GPC6: variants seen among roughly 807,000 people sequenced by gnomAD.
The protein encoded by GPC6 is glypican-6.
A neutral mutation model predicts 55.2 loss-of-function variants in GPC6; 14 were observed. The ratio of observed to expected loss-of-function variants is 0.25; its 90% CI spans 0.17 to 0.40. The LOEUF is 0.40. Among genes scored for constraint, GPC6 ranks in the 10% least tolerant of loss-of-function variants. GPC6 has a pLI of 1.00. For missense variants in GPC6, 641 were observed against 708.5 expected (o/e 0.90, Z 1.08); for synonymous variants, 278 against 259.6 (o/e 1.07, Z -0.68).
chr13:93,489,324 G>T (rs199763302), intron 1 of GPC6, among the ~76,000 whole-genome samples: 1 of 151,300 alleles, frequency 6.6e-6, no homozygotes, highest in Non-Finnish European at 1.5e-5. Context: ...TGTTCCACTG[G>T]TCTATATCTC....
At chr13:93,296,053 C>T (rs761138109) in intron 1 of GPC6, among the ~76,000 whole-genome samples, 3 of 152,118 alleles carry the variant, frequency 2.0e-5, no homozygotes, top group Non-Finnish European at 4.4e-5. Context: ...CTGATTATGT[C>T]CCAAAGGTCC....
intron 4 of GPC6, among the ~76,000 whole-genome samples, chr13:94,050,936 T>C (rs1384175887): frequency 6.6e-6 from 1 of 152,138 alleles, no homozygotes; most frequent in Non-Finnish European, 1.5e-5. Flanking sequence ...ATGCATCCTA[T>C]TGGTCATGAG....
At chr13:94,034,200 A>G (rs28495263) in intron 4 of GPC6, among the ~76,000 whole-genome samples, 54 of 72,726 alleles carry the variant, frequency 7.4e-4, no homozygotes, top group African/African-American at 1.7e-3. Context: ...AAAGAAAGAA[A>G]GAAGGAAGGA....
intron 4 of GPC6, among the ~76,000 whole-genome samples, chr13:94,158,344 T>G (rs1359525063): frequency 6.7e-6 from 1 of 149,018 alleles, no homozygotes; most frequent in Non-Finnish European, 1.5e-5. Flanking sequence ...TTGAGTTGAA[T>G]AATTACCCTT....
chr13:93,225,486 GTTTTTTT>G (rs66859110), upstream of GPC6, among the ~76,000 whole-genome samples: 1,206 of 151,544 alleles, frequency 8.0e-3, 21 homozygotes, highest in African/African-American at 0.028. Context: ...TAGCTATGGA[GTTTTTTT>G]TTTTGTTTTG....
intron 2 of GPC6, among the ~76,000 whole-genome samples, chr13:93,818,091 T>C (rs1414591854): frequency 6.8e-6 from 1 of 147,896 alleles, no homozygotes; most frequent in Non-Finnish European, 1.5e-5. Flanking sequence ...ATTTATTATA[T>C]GTATATATTA....
chr13:93,862,090 G>A (rs17174714), intron 3 of GPC6, among the ~76,000 whole-genome samples: 35,114 of 151,444 alleles, frequency 0.23, 4,559 homozygotes, highest in East Asian at 0.34. Context: ...GATTATAGAA[G>A]TTTTTGTGCA....
intron 1 of GPC6, among the ~76,000 whole-genome samples, chr13:93,325,536 T>G (rs1332341624): frequency 6.6e-6 from 1 of 152,136 alleles, no homozygotes; most frequent in Non-Finnish European, 1.5e-5. Flanking sequence ...GTGGCCATTC[T>G]AAGGTGCTGC....
chr13:93,636,460 A>G (rs1366412378), intron 2 of GPC6, among the ~76,000 whole-genome samples: 1 of 152,198 alleles, frequency 6.6e-6, no homozygotes, highest in Admixed American at 6.5e-5. Flanking sequence ...ATGATCACAT[A>G]TCCCTGCCTG....
At chr13:93,365,266 T>C (rs1881202714) in intron 1 of GPC6, among the ~76,000 whole-genome samples, 1 of 152,074 alleles carries the variant, frequency 6.6e-6, no homozygotes, top group African/African-American at 2.4e-5. Flanking sequence ...TCAGCCTCTC[T>C]TCCTGGCAGT....
chr13:93,368,218 A>G (rs1019293285), intron 1 of GPC6, among the ~76,000 whole-genome samples: 1 of 151,492 alleles, frequency 6.6e-6, no homozygotes, highest in Admixed American at 6.6e-5. Flanking sequence ...AGTCTATTCT[A>G]TCTAATATTA....
At chr13:93,376,834 G>A (rs1214281179) in intron 1 of GPC6, among the ~76,000 whole-genome samples, 2 of 147,290 alleles carry the variant, frequency 1.4e-5, no homozygotes, top group Admixed American at 1.4e-4. Flanking sequence ...TGTCCTGGCT[G>A]TGACCAGTTT....
At chr13:94,322,168 C>G (rs1876862924) in intron 6 of GPC6, among the ~76,000 whole-genome samples, 1 of 152,180 alleles carries the variant, frequency 6.6e-6, no homozygotes, top group Admixed American at 6.5e-5. Context: ...GTGAGGAAGT[C>G]TCATGAGATC....
chr13:93,542,387 C>G (rs879140940), intron 1 of GPC6, among the ~76,000 whole-genome samples: 2 of 152,122 alleles, frequency 1.3e-5, no homozygotes, highest in Non-Finnish European at 2.9e-5. Flanking sequence ...ATCTATATCT[C>G]TGTTTTGGTA....
intron 1 of GPC6, among the ~76,000 whole-genome samples, chr13:93,514,845 G>GA (rs1267863460): frequency 6.6e-6 from 1 of 151,982 alleles, no homozygotes; most frequent in African/African-American, 2.4e-5. Flanking sequence ...TCGTCGTGAG[G>GA]AAAAAAACAA....
At chr13:93,855,637 A>T (rs1019363763) in intron 3 of GPC6, among the ~76,000 whole-genome samples, 4 of 151,658 alleles carry the variant, frequency 2.6e-5, no homozygotes, top group African/African-American at 9.7e-5. Context: ...TCCCACCAGC[A>T]ATGAGTGAGA....
intron 1 of GPC6, among the ~76,000 whole-genome samples, chr13:93,318,551 A>G (rs1341046657): frequency 6.6e-6 from 1 of 152,174 alleles, no homozygotes; most frequent in East Asian, 1.9e-4. Context: ...AAAAAAGGAT[A>G]GAAACATACA....
At chr13:93,330,395 G>T (rs1280857821) in intron 1 of GPC6, among the ~76,000 whole-genome samples, 1 of 152,102 alleles carries the variant, frequency 6.6e-6, no homozygotes, top group Non-Finnish European at 1.5e-5. Context: ...TGGTAGTGTG[G>T]TATGTGCCTG....
At chr13:94,069,557 G>A (rs762319822) in intron 4 of GPC6, among the ~76,000 whole-genome samples, 6 of 152,100 alleles carry the variant, frequency 3.9e-5, no homozygotes, top group Middle Eastern at 3.4e-3. Context: ...TAAATTTCTC[G>A]AACTTTTGTA....
Sources: gnomAD v4.1 joint callset for allele counts (sites outside exome capture counted in the v4.1 genomes callset) on GRCh38, gnomAD v4.1.1 for gene constraint, MANE v1.5 for transcripts, NCBI Gene and HGNC (gene_info 2026-07-23, HGNC 2026-07-21) for gene names.